Variants in CUL1 observed in about 807,000 individuals in gnomAD.
CUL1 encodes cullin 1.
CUL1 carries 24 observed loss-of-function variants against 118.0 expected under a neutral mutation model. That is an observed-to-expected ratio of 0.20 (90% CI 0.15 to 0.29). The LOEUF (loss-of-function observed/expected upper bound fraction) is 0.29. Among genes scored for constraint, CUL1 ranks in the 10% least tolerant of loss-of-function variants. The pLI, the probability that CUL1 is intolerant of heterozygous loss-of-function variation, is 1.00. For synonymous variants in CUL1, 332 were observed against 340.4 expected (o/e 0.98, Z 0.27); for missense variants, 361 against 933.8 (o/e 0.39, Z 7.99).
rs1563147370 is a variant in CUL1, at chr7:148,713,399, C to CA, written c.-162+14370_-162+14371insA. Among the ~76,000 whole-genome samples, 3 of 152,130 alleles carry CA rather than the reference C, an allele frequency of 2.0e-5. No homozygotes were observed. In the South Asian group the frequency reaches 6.2e-4, roughly 31 times the overall value. On this transcript the variant is annotated intron_variant, in intron 1 of 21. Coordinates refer to ENST00000325222, the MANE Select transcript of CUL1 (RefSeq NM_003592.3). ...TTCAGGTTTTCCGGAGCAATTTATA[C>CA]CAGTGACGCTTGTGGCATCTTACTT...
At chr7:148,699,463 C>T (rs1797641701) in intron 1 of CUL1, among the ~76,000 whole-genome samples, 1 of 152,114 alleles carries the variant, frequency 6.6e-6, no homozygotes, top group Non-Finnish European at 1.5e-5. Context: ...CCGCGGGACG[C>T]CGGGACCCGT....
intron 2 of CUL1, among the ~76,000 whole-genome samples, chr7:148,734,859 T>C (rs1798888844): frequency 6.6e-6 from 1 of 152,198 alleles, no homozygotes; most frequent in African/African-American, 2.4e-5. Flanking sequence ...GTCAGGTACC[T>C]CAGATTCATA....
chr7:148,740,406 T>G (rs1799105097), intron 2 of CUL1, among the ~76,000 whole-genome samples: 1 of 152,212 alleles, frequency 6.6e-6, no homozygotes. Context: ...TCATTTAAAG[T>G]GTACGTTTCA....
chr7:148,699,825 A>G, intron 1 of CUL1, among the ~76,000 whole-genome samples: 1 of 151,666 alleles, frequency 6.6e-6, no homozygotes, highest in South Asian at 2.1e-4. Flanking sequence ...CCCCGGTCCC[A>G]ACGGGAGCGC....
intron 1 of CUL1, among the ~76,000 whole-genome samples, chr7:148,723,288 A>T (rs575712824): frequency 2.0e-5 from 3 of 152,148 alleles, no homozygotes; most frequent in Non-Finnish European, 4.4e-5. Flanking sequence ...TATTCCCCTG[A>T]GGAACTGTGG....
chr7:148,703,982 CG>C (rs1797802548), intron 1 of CUL1, among the ~76,000 whole-genome samples: 2 of 152,008 alleles, frequency 1.3e-5, no homozygotes, highest in Admixed American at 6.6e-5. Context: ...ACACCAAGCA[CG>C]GGAACTGTAA....
chr7:148,709,097 T>C (rs1249855258), intron 1 of CUL1, among the ~76,000 whole-genome samples: 1 of 152,234 alleles, frequency 6.6e-6, no homozygotes, highest in Non-Finnish European at 1.5e-5. Context: ...TTAATAGTTA[T>C]AGGAAAAGTG....
intron 2 of CUL1, among the ~76,000 whole-genome samples, chr7:148,752,135 AACATGTGAAATAT>A (rs1248973590): frequency 2.6e-5 from 4 of 152,240 alleles, no homozygotes; most frequent in Non-Finnish European, 4.4e-5. Flanking sequence ...CAAAATGTAG[AACATGTGAAATAT>A]ATTTGATACA....
intron 1 of CUL1, among the ~76,000 whole-genome samples, chr7:148,720,987 C>G (rs1798378708): frequency 6.6e-6 from 1 of 152,194 alleles, no homozygotes; most frequent in African/African-American, 2.4e-5. Flanking sequence ...ACACTTAAAA[C>G]TCAGGTTGGC....
intron 2 of CUL1, among the ~76,000 whole-genome samples, chr7:148,733,698 A>G (rs988184164): frequency 6.6e-6 from 1 of 152,218 alleles, no homozygotes; most frequent in Non-Finnish European, 1.5e-5. Flanking sequence ...ATCACTCTGC[A>G]AAATTAGACA....
At chr7:148,789,657 A>G (rs918445232) in intron 14 of CUL1, 93 bp from the exon 15 acceptor site, 2 of 916,742 alleles carry the variant, frequency 2.2e-6, no homozygotes, top group Non-Finnish European at 3.5e-6. Flanking sequence ...ATAAAGAGCA[A>G]TCCACATTCA....
At chr7:148,750,141 T>C (rs1799439534) in intron 2 of CUL1, among the ~76,000 whole-genome samples, 1 of 152,174 alleles carries the variant, frequency 6.6e-6, no homozygotes, top group African/African-American at 2.4e-5. Context: ...AAGCCATCTT[T>C]TATAACAGTA....
In CUL1 at chr7:148,791,704, C is replaced by T. The variant is rs930617623; in HGVS notation, c.1807-1022C>T. Among the ~76,000 whole-genome samples, 4 of 152,216 alleles carry T rather than the reference C, an allele frequency of 2.6e-5. 1 individual carries two copies. The highest frequency in any genetic ancestry group is 9.7e-5 in the African/African-American group (4 of 41,450). ...GGGCCGCCCTGAAACAGGCATGTGG[C>T]GTTTTTTGTTTCTCTTTCCATTGAC... On this transcript the variant is annotated intron_variant, in intron 16 of 21. Coordinates refer to ENST00000325222, the MANE Select transcript of CUL1 (RefSeq NM_003592.3).
intron 2 of CUL1, among the ~76,000 whole-genome samples, chr7:148,739,709 G>A (rs1799079545): frequency 1.3e-5 from 2 of 152,108 alleles, no homozygotes; most frequent in Admixed American, 1.3e-4. Context: ...TGGTGTCTTT[G>A]GGTGAGCAAA....
intron 2 of CUL1, among the ~76,000 whole-genome samples, chr7:148,747,156 G>A (rs1163050756): frequency 6.6e-6 from 1 of 152,184 alleles, no homozygotes; most frequent in Non-Finnish European, 1.5e-5. Flanking sequence ...ACACTCTTAA[G>A]CATATGGAAG....
intron 2 of CUL1, among the ~76,000 whole-genome samples, chr7:148,734,683 T>G (rs1283822962): frequency 6.6e-6 from 1 of 152,212 alleles, no homozygotes; most frequent in Non-Finnish European, 1.5e-5. Context: ...TTTCAGGTGT[T>G]GTGCTTAGGT....
chr7:148,713,938 T>G (rs923539374), intron 1 of CUL1, among the ~76,000 whole-genome samples: 1 of 152,180 alleles, frequency 6.6e-6, no homozygotes, highest in African/African-American at 2.4e-5. Flanking sequence ...TGGCCAGGTC[T>G]TGAACTCCTG....
At chr7:148,747,614 G>T (rs1237305109) in intron 2 of CUL1, among the ~76,000 whole-genome samples, 1 of 152,082 alleles carries the variant, frequency 6.6e-6, no homozygotes, top group East Asian at 1.9e-4. Context: ...AATAATCATC[G>T]ACCTACTCTC....
At chr7:148,715,950 G>C (rs1798200682) in intron 1 of CUL1, among the ~76,000 whole-genome samples, 1 of 152,126 alleles carries the variant, frequency 6.6e-6, no homozygotes, top group Non-Finnish European at 1.5e-5. Context: ...GTTTAATTTA[G>C]TGATACAAAG....
Sources: allele counts gnomAD v4.1 joint callset (sites outside exome capture counted in the v4.1 genomes callset), GRCh38; gene constraint gnomAD v4.1.1; transcripts MANE v1.5; gene names NCBI Gene and HGNC (gene_info 2026-07-23, HGNC 2026-07-21).